Variants in AFF3 observed in about 807,000 individuals in gnomAD.
AFF3 encodes the protein AF4/FMR2 family member 3.
AFF3 carries 32 observed loss-of-function variants against 129.7 expected under a neutral mutation model. The ratio of observed to expected loss-of-function variants is 0.25; its 90% CI spans 0.19 to 0.33. The LOEUF (loss-of-function observed/expected upper bound fraction) is 0.33, where lower values mean the gene tolerates loss of function less well. Ranked by LOEUF, AFF3 falls within the 10% of genes least tolerant of loss-of-function variation. The pLI is 1.00. For synonymous variants in AFF3, 644 were observed against 635.4 expected (o/e 1.01, Z -0.20); for missense variants, 1,373 against 1,592.0 (o/e 0.86, Z 2.34).
intron 11 of AFF3, among the ~76,000 whole-genome samples, chr2:99,678,661 C>T (rs974479560): frequency 6.6e-6 from 1 of 152,176 alleles, no homozygotes; most frequent in Non-Finnish European, 1.5e-5. Flanking sequence ...GCTGGTGCTG[C>T]TACTATCTCC....
chr2:99,905,210 T>C (rs1194697037), intron 7 of AFF3, among the ~76,000 whole-genome samples: 1 of 152,230 alleles, frequency 6.6e-6, no homozygotes, highest in Non-Finnish European at 1.5e-5. Context: ...CTGGAGGAAC[T>C]TGCTGCTCTT....
chr2:99,750,122 G>C (rs574323760), intron 9 of AFF3, among the ~76,000 whole-genome samples: 1 of 152,276 alleles, frequency 6.6e-6, no homozygotes, highest in East Asian at 1.9e-4. Context: ...CACTTTGCTA[G>C]TGTAAAAGCA....
chr2:99,726,310 C>T lies in AFF3; in HGVS notation c.1091+767G>A, dbSNP rs368975820. 1.6e-4 allele frequency among the ~76,000 whole-genome samples: 24 copies of T among 152,218 alleles called. No homozygotes were observed. The East Asian group carries it at 3.7e-3, about 23-fold the overall frequency. On this transcript the variant is annotated intron_variant, in intron 11 of 24. Transcript: ENST00000672756. ...TTAAAAAATGCTGTTTTTTAAAATC[C>T]TGATCCCCATACAGATAAATTCACA...
At chr2:99,876,600 C>T (rs1030417440) in intron 7 of AFF3, among the ~76,000 whole-genome samples, 45 of 152,244 alleles carry the variant, frequency 3.0e-4, no homozygotes, top group African/African-American at 1.0e-3. Context: ...CCAGAGGAGT[C>T]TCTGTAAAAG....
At chr2:99,928,492 T>C (rs6707538) in intron 7 of AFF3, among the ~76,000 whole-genome samples, 8,113 of 152,198 alleles carry the variant, frequency 0.053, 539 homozygotes, top group African/African-American at 0.15. Context: ...CCTAATTACA[T>C]TTCTATAACT....
intron 4 of AFF3, among the ~76,000 whole-genome samples, chr2:100,059,289 C>T (rs1456170790): frequency 7.6e-6 from 1 of 131,712 alleles, no homozygotes; most frequent in Non-Finnish European, 1.6e-5. Flanking sequence ...AGCAATGGAT[C>T]TCAATAGACA....
intron 20 of AFF3, 69 bp downstream of exon 20, chr2:99,565,418 T>C: frequency 5.7e-6 from 9 of 1,577,152 alleles, no homozygotes; most frequent in Non-Finnish European, 7.8e-6. Context: ...CATTCTTTTC[T>C]CTGTAACCAT....
chr2:99,681,128 G>A (rs976335558), intron 11 of AFF3, among the ~76,000 whole-genome samples: 2 of 152,078 alleles, frequency 1.3e-5, no homozygotes, highest in Non-Finnish European at 2.9e-5. Flanking sequence ...CAGATATTCT[G>A]ATTCACAGCA....
chr2:100,030,496 A>G (rs1474657188), intron 4 of AFF3, among the ~76,000 whole-genome samples: 1 of 152,200 alleles, frequency 6.6e-6, no homozygotes, highest in Middle Eastern at 3.2e-3. Context: ...CATGCAATCC[A>G]GCAATCAAGC....
chr2:100,117,152 C>T (rs2105545866), intron 2 of AFF3, among the ~76,000 whole-genome samples: 1 of 152,212 alleles, frequency 6.6e-6, no homozygotes, highest in East Asian at 1.9e-4. Flanking sequence ...CATAGGGCTT[C>T]TTATCTAAGT....
chr2:99,719,776 C>A (rs1313978650), intron 11 of AFF3, among the ~76,000 whole-genome samples: 2 of 152,162 alleles, frequency 1.3e-5, no homozygotes, highest in Admixed American at 1.3e-4. Context: ...ATTGGCCGGG[C>A]ACGGTGGCTC....
chr2:99,958,979 C>T (rs889511638), intron 7 of AFF3, among the ~76,000 whole-genome samples: 1 of 151,878 alleles, frequency 6.6e-6, no homozygotes, highest in Non-Finnish European at 1.5e-5. Context: ...AGGCGTGGGT[C>T]ACAGCTACTT....
At chr2:99,654,398 C>T (rs1685560730) in intron 12 of AFF3, among the ~76,000 whole-genome samples, 1 of 152,064 alleles carries the variant, frequency 6.6e-6, no homozygotes, top group Non-Finnish European at 1.5e-5. Context: ...TGACTCCTCT[C>T]TTTAAAAAAA....
chr2:99,999,599 G>A (rs1028285459), intron 7 of AFF3, among the ~76,000 whole-genome samples: 1 of 152,150 alleles, frequency 6.6e-6, no homozygotes, highest in Non-Finnish European at 1.5e-5. Flanking sequence ...TTGGACACAT[G>A]AGCAGGTAAA....
intron 4 of AFF3, among the ~76,000 whole-genome samples, chr2:100,026,115 C>G (rs933885768): frequency 1.3e-5 from 2 of 152,078 alleles, no homozygotes; most frequent in Non-Finnish European, 2.9e-5. Flanking sequence ...AACAGACAAC[C>G]CACAGAGTGG....
chr2:100,014,918 G>A (rs1476407425), intron 4 of AFF3, among the ~76,000 whole-genome samples: 2 of 150,660 alleles, frequency 1.3e-5, no homozygotes, highest in African/African-American at 2.4e-5. Context: ...CGAGTAGCTG[G>A]GACTACAGGC....
rs566931733 is a variant in AFF3, at chr2:99,612,764, C to G, written c.1185-11143G>C. ...TGAGCTGGTGCACGGCACACCTGTT[C>G]CAGCTCTGTGGGAGCACCTCTGCCT... On this transcript the variant is annotated intron_variant, in intron 13 of 24. Coordinates refer to ENST00000672756, the MANE Select transcript of AFF3 (RefSeq NM_001386135.1). 3.9e-5 allele frequency among the ~76,000 whole-genome samples: 6 copies of G among 152,344 alleles called. 1 individual carries two copies. The South Asian group carries it at 6.2e-4, about 16-fold the overall frequency.
At chr2:99,935,520 C>T (rs1045065509) in intron 7 of AFF3, among the ~76,000 whole-genome samples, 1 of 152,192 alleles carries the variant, frequency 6.6e-6, no homozygotes, top group Non-Finnish European at 1.5e-5. Flanking sequence ...CACATTCTCA[C>T]TACAGTAGCA....
intron 8 of AFF3, among the ~76,000 whole-genome samples, chr2:99,783,350 C>T (rs912313188): frequency 2.0e-5 from 3 of 152,174 alleles, no homozygotes; most frequent in Non-Finnish European, 2.9e-5. Flanking sequence ...AAGGGGCTGA[C>T]GCACTGTCAG....
Sources: allele counts gnomAD v4.1 joint callset (sites outside exome capture counted in the v4.1 genomes callset), GRCh38; gene constraint gnomAD v4.1.1; transcripts MANE v1.5; gene names NCBI Gene and HGNC (gene_info 2026-07-23, HGNC 2026-07-21).